Variants in AHI1 observed in about 807,000 individuals in gnomAD.
AHI1 encodes the protein Abelson helper integration site 1.
Under a neutral mutation model 149.3 loss-of-function variants are expected in AHI1, and 123 were observed. The ratio of observed to expected loss-of-function variants is 0.82; its 90% CI spans 0.71 to 0.96. The LOEUF is 0.96. Ranked by LOEUF, AHI1 falls within the 40% of genes least tolerant of loss-of-function variation. The pLI is 0.00. For missense variants in AHI1, 1,439 were observed against 1,422.7 expected (o/e 1.01, Z -0.18); for synonymous variants, 475 against 459.8 (o/e 1.03, Z -0.42).
At chr6:135,368,797 A>C (rs961069497) in intron 23 of AHI1, among the ~76,000 whole-genome samples, 15 of 152,222 alleles carry the variant, frequency 9.9e-5, no homozygotes, top group Non-Finnish European at 2.1e-4. Flanking sequence ...AGCAGGGTTG[A>C]GAACTTGCCC....
intron 26 of AHI1, among the ~76,000 whole-genome samples, chr6:135,318,015 A>T (rs17064413): frequency 1.2e-4 from 18 of 152,278 alleles, no homozygotes; most frequent in African/African-American, 4.3e-4. Flanking sequence ...CTGATGACAC[A>T]GACTAAAATA....
intron 27 of AHI1, among the ~76,000 whole-genome samples, chr6:135,293,877 T>C (rs1365866079): frequency 6.6e-6 from 1 of 152,144 alleles, no homozygotes; most frequent in Non-Finnish European, 1.5e-5. Context: ...AATTCTAAAA[T>C]TCACGTGGAA....
At chr6:135,480,659 T>C (rs1349510805) in intron 5 of AHI1, among the ~76,000 whole-genome samples, 2 of 152,136 alleles carry the variant, frequency 1.3e-5, no homozygotes, top group Non-Finnish European at 2.9e-5. Flanking sequence ...CGTGGGTGGA[T>C]TAATCCATCA....
rs1316573625 is a variant in AHI1 at position 135,369,688 on chromosome 6, AT to A, written c.3110-11502del. Among the ~76,000 whole-genome samples, 43 of 152,008 alleles carry A rather than the reference AT, an allele frequency of 2.8e-4. 1 individual carries two copies. The highest frequency in any genetic ancestry group is 6.3e-4 in the Non-Finnish European group (43 of 68,012). On this transcript the variant is annotated intron_variant, in intron 23 of 28. Coordinates refer to ENST00000265602, the MANE Select transcript of AHI1 (RefSeq NM_001134831.2). ...ATGCCTCCTCTTCATCTTTGTTTCAATTTGAATAATCTGTATAATTTTTATT... is the reference window on the plus strand; with the variant it reads ...ATGCCTCCTCTTCATCTTTGTTTCAATTGAATAATCTGTATAATTTTTATT...
intron 23 of AHI1, among the ~76,000 whole-genome samples, chr6:135,383,083 G>T (rs12212029): frequency 6.7e-6 from 1 of 149,168 alleles, no homozygotes; most frequent in Non-Finnish European, 1.5e-5. Context: ...TGGAGAAAAA[G>T]ACCTTTTATT....
At chr6:135,416,864 C>T (rs1355492173) in intron 20 of AHI1, among the ~76,000 whole-genome samples, 1 of 152,058 alleles carries the variant, frequency 6.6e-6, no homozygotes, top group Non-Finnish European at 1.5e-5. Flanking sequence ...TTACACTCCA[C>T]CCTTTTAGTG....
rs558082530 is a variant in AHI1, at chr6:135,470,004, G to A, written c.136-2370C>T. On this transcript the variant is annotated intron_variant, in intron 5 of 28. Transcript: ENST00000265602. The stretch of plus-strand genomic sequence containing the variant: ...ACTACAGAGCTTCTGCACAGCAAAA[G>A]AAACTATCATCAGAATGAACAGACA... Among the ~76,000 whole-genome samples the A allele has an allele frequency of 7.9e-5, 12 of 152,158 alleles. No individual in the cohort carries two copies. The South Asian group carries it at 2.3e-3, about 29-fold the overall frequency.
chr6:135,350,782 T>A (rs1791977188), intron 24 of AHI1, among the ~76,000 whole-genome samples: 2 of 152,076 alleles, frequency 1.3e-5, no homozygotes, highest in African/African-American at 4.8e-5. Context: ...GGAGAAAGGT[T>A]GGTTGTGTTC....
At chr6:135,296,747 T>A (rs1044426324) in intron 27 of AHI1, among the ~76,000 whole-genome samples, 7 of 152,228 alleles carry the variant, frequency 4.6e-5, no homozygotes, top group African/African-American at 1.7e-4. Flanking sequence ...TAATTAGACA[T>A]TTTACTTATT....
At chr6:135,454,942 A>C (rs979097214) in intron 10 of AHI1, among the ~76,000 whole-genome samples, 3 of 152,202 alleles carry the variant, frequency 2.0e-5, no homozygotes, top group African/African-American at 7.2e-5. Context: ...GTAATTCTAC[A>C]AAATGAATCT....
At chr6:135,309,724 C>T (rs1209046074) in intron 26 of AHI1, among the ~76,000 whole-genome samples, 3 of 152,108 alleles carry the variant, frequency 2.0e-5, no homozygotes, top group Non-Finnish European at 4.4e-5. Context: ...TCAGGTGATC[C>T]ACCTGCCTTG....
intron 12 of AHI1, 143 bp from the exon 13 acceptor site, chr6:135,447,303 A>G (rs1787394955): frequency 1.7e-6 from 1 of 596,630 alleles, no homozygotes; most frequent in Non-Finnish European, 2.5e-6. Context: ...TTTTATTTGT[A>G]CATTATTCTA....
intron 23 of AHI1, among the ~76,000 whole-genome samples, chr6:135,362,711 G>A (rs913632681): frequency 6.6e-6 from 1 of 151,880 alleles, no homozygotes; most frequent in Non-Finnish European, 1.5e-5. Context: ...ACTTTGTGAT[G>A]GGATTTTTTT....
intron 24 of AHI1, among the ~76,000 whole-genome samples, chr6:135,324,856 C>T (rs1787410751): frequency 1.3e-5 from 2 of 152,088 alleles, no homozygotes; most frequent in African/African-American, 4.8e-5. Context: ...TATTTATTAA[C>T]ACATCAGGCA....
At position 135,365,376 on chromosome 6, in the gene AHI1, GA is replaced by G. The variant is rs368183546; in HGVS notation, c.3110-7190del. On this transcript the variant is annotated intron_variant, in intron 23 of 28. Transcript: ENST00000265602. ...GTGGTATTTTGATGGAAATTGCATT[GA>G]ATTTTTTATTGCTTTTGGCAGTACG... 2.5e-3 allele frequency among the ~76,000 whole-genome samples: 382 copies of G among 152,218 alleles called. 5 individuals carry two copies. Among genetic ancestry groups the G allele is most frequent in the African/African-American group, 8.4e-3 (350 of 41,544 alleles).
At chr6:135,438,595 C>A in intron 14 of AHI1, 97 bp from the exon 15 acceptor site, 2 of 965,520 alleles carry the variant, frequency 2.1e-6, no homozygotes, top group Non-Finnish European at 2.7e-6. Context: ...CATAAGCAGT[C>A]TATAACAAAA....
At chr6:135,301,775 C>T (rs941270136) in intron 26 of AHI1, 2 of 985,408 alleles carry the variant, frequency 2.0e-6, no homozygotes, top group Non-Finnish European at 1.2e-6. Context: ...TGGAATTGCT[C>T]TGACTCAGTT....
intron 13 of AHI1, among the ~76,000 whole-genome samples, chr6:135,444,712 A>G (rs1396724676): frequency 2.6e-5 from 4 of 152,234 alleles, no homozygotes; most frequent in Non-Finnish European, 4.4e-5. Context: ...AAATAAAAGT[A>G]ACTTGCTAAC....
intron 8 of AHI1, 23 bp from the exon 9 acceptor site, chr6:135,457,736 C>A: frequency 1.3e-6 from 2 of 1,583,554 alleles, no homozygotes; most frequent in South Asian, 2.2e-5. Flanking sequence ...AAAAAAAAAT[C>A]AATGTTATAA....
Sources: allele counts gnomAD v4.1 joint callset (sites outside exome capture counted in the v4.1 genomes callset), GRCh38; gene constraint gnomAD v4.1.1; transcripts MANE v1.5; gene names NCBI Gene and HGNC (gene_info 2026-07-23, HGNC 2026-07-21).